The following APP variants were observed in gnomAD, a reference collection of about 807,000 sequenced individuals.
The protein encoded by APP is amyloid beta precursor protein.
In APP, 31 loss-of-function variants were observed where a neutral mutation model predicts 101.4. The observed-to-expected ratio is 0.31, with a 90% CI of 0.23 to 0.41. APP has a LOEUF of 0.41. Ranked by LOEUF, APP falls within the 10% of genes least tolerant of loss-of-function variation. The pLI is 1.00. For missense variants in APP, 839 were observed against 1,003.7 expected, an observed-to-expected ratio of 0.84 and a Z score of 2.22; for synonymous variants, 366 against 364.4, an observed-to-expected ratio of 1.00 and a Z score of -0.05.
At chr21:25,916,016 A>G (rs1022889372) in intron 13 of APP, among the ~76,000 whole-genome samples, 1 of 151,816 alleles carries the variant, frequency 6.6e-6, no homozygotes, top group African/African-American at 2.4e-5. Context: ...AGAAATCCAC[A>G]TTCCTATCTT....
At chr21:26,042,954 T>G (rs1328325712) in intron 5 of APP, among the ~76,000 whole-genome samples, 1 of 152,046 alleles carries the variant, frequency 6.6e-6, no homozygotes, top group Non-Finnish European at 1.5e-5. Context: ...CTGGAACATA[T>G]CAAATGCTCA....
chr21:26,017,553 A>G (rs1000692083), intron 6 of APP, among the ~76,000 whole-genome samples: 3 of 152,180 alleles, frequency 2.0e-5, no homozygotes, highest in African/African-American at 7.2e-5. Flanking sequence ...GATGCCTTCC[A>G]CAGTAGCAAA....
rs562638356 is a variant in APP at position 25,883,327 on chromosome 21, T to TG, written c.2212-1557dup. Among the ~76,000 whole-genome samples the TG allele has an allele frequency of 1.0e-3, 155 of 151,918 alleles. 1 individual carries two copies. Among genetic ancestry groups the TG allele is most frequent in the Middle Eastern group, 6.8e-3 (2 of 294 alleles). On this transcript the variant is annotated intron_variant, in intron 17 of 17. Coordinates refer to ENST00000346798, the MANE Select transcript of APP (RefSeq NM_000484.4). Reference sequence around the variant, plus strand: ...CGGAGGCAGGAGAATGGCTTGAACTTGGGGGGTGGAGTTTGCAGTGAGCCA... The same window carrying TG: ...CGGAGGCAGGAGAATGGCTTGAACTTGGGGGGGTGGAGTTTGCAGTGAGCCA...
intron 1 of APP, among the ~76,000 whole-genome samples, chr21:26,163,862 T>G (rs2063550291): frequency 6.6e-6 from 1 of 152,172 alleles, no homozygotes; most frequent in African/African-American, 2.4e-5. Context: ...CATATGCTGA[T>G]TTTTAAAAAA....
Position 26,132,926 on chromosome 21 carries a change from C to G in APP, c.58-20780G>C, listed in dbSNP as rs532451832. 4.6e-5 allele frequency among the ~76,000 whole-genome samples: 7 copies of G among 152,220 alleles called. No individual in the cohort carries two copies. The East Asian group carries it at 1.2e-3, about 25-fold the overall frequency. On this transcript the variant is annotated intron_variant, in intron 1 of 17. Coordinates refer to ENST00000346798, the MANE Select transcript of APP (RefSeq NM_000484.4). Reference sequence around the variant, plus strand: ...CCATTTATACTTCATTTCTGAAACTCAATGTCAAAGAGAAGATTAAAAATC... The same window carrying G: ...CCATTTATACTTCATTTCTGAAACTGAATGTCAAAGAGAAGATTAAAAATC...
rs200145088 is a variant in APP, at chr21:26,089,911, A to G, written c.355+32T>C. 132 of 1,613,402 alleles carry G rather than the reference A, an allele frequency of 8.2e-5. No individual in the cohort carries two copies. The South Asian group carries it at 1.1e-3, about 13-fold the overall frequency. ...TTCTTCCCTCAAGACCAGGCCCCCA[A>G]TCAACACCAGCCCCACGGCCGGCCG... On this transcript the variant is annotated intron_variant, in intron 3 of 17. Transcript: ENST00000346798.
chr21:25,971,313 TG>T (rs2042023907), intron 11 of APP, among the ~76,000 whole-genome samples: 1 of 152,252 alleles, frequency 6.6e-6, no homozygotes, highest in Admixed American at 6.5e-5. Flanking sequence ...CCCAAAGTGC[TG>T]GGATTACAGG....
intron 5 of APP, among the ~76,000 whole-genome samples, chr21:26,023,960 G>A (rs2146789517): frequency 6.6e-6 from 1 of 152,314 alleles, no homozygotes; most frequent in East Asian, 1.9e-4. Flanking sequence ...ACATTTACAT[G>A]CTGATGCATC....
intron 13 of APP, among the ~76,000 whole-genome samples, chr21:25,918,639 G>T (rs1569055092): frequency 6.6e-6 from 1 of 151,782 alleles, no homozygotes; most frequent in Non-Finnish European, 1.5e-5. Flanking sequence ...TGGAAAATCG[G>T]GTCACTCCCA....
At chr21:25,906,260 A>C (rs2146300562) in intron 14 of APP, among the ~76,000 whole-genome samples, 1 of 152,364 alleles carries the variant, frequency 6.6e-6, no homozygotes, top group East Asian at 1.9e-4. Context: ...ATTTGGATGA[A>C]ATAAAAATTT....
chr21:26,130,476 T>C (rs1393106148), intron 1 of APP, among the ~76,000 whole-genome samples: 1 of 152,256 alleles, frequency 6.6e-6, no homozygotes, highest in East Asian at 1.9e-4. Context: ...GGCTTGGCCA[T>C]GACAACTGTG....
At chr21:26,045,823 G>A (rs148814188) in intron 5 of APP, among the ~76,000 whole-genome samples, 65 of 152,234 alleles carry the variant, frequency 4.3e-4, no homozygotes, top group African/African-American at 1.5e-3. Flanking sequence ...AAGCCACCCC[G>A]AGCTGTATTA....
At chr21:26,050,164 T>C (rs1240203829) in intron 5 of APP, among the ~76,000 whole-genome samples, 1 of 152,080 alleles carries the variant, frequency 6.6e-6, no homozygotes, top group African/African-American at 2.4e-5. Flanking sequence ...AAAACAAGCA[T>C]CCTGTAGTTT....
chr21:26,002,514 C>T (rs2043344131), intron 6 of APP, among the ~76,000 whole-genome samples: 1 of 152,236 alleles, frequency 6.6e-6, no homozygotes, highest in South Asian at 2.1e-4. Flanking sequence ...ATATTCATGT[C>T]ACATGCTCTT....
At chr21:25,952,191 TACACACACACACAC>T (rs57270357) in intron 13 of APP, among the ~76,000 whole-genome samples, 1 of 139,994 alleles carries the variant, frequency 7.1e-6, no homozygotes, top group East Asian at 2.0e-4. Context: ...ATTACATACA[TACACACACACACAC>T]ACACACACAC....
intron 1 of APP, among the ~76,000 whole-genome samples, chr21:26,169,786 G>C (rs1331873559): frequency 1.3e-5 from 2 of 152,260 alleles, no homozygotes; most frequent in Non-Finnish European, 2.9e-5. Flanking sequence ...CTCTCAGACA[G>C]AGCTTAGGGT....
intron 3 of APP, among the ~76,000 whole-genome samples, chr21:26,057,766 C>G (rs1011826212): frequency 9.2e-5 from 14 of 152,174 alleles, no homozygotes; most frequent in African/African-American, 3.4e-4. Context: ...CTCCAGTTCT[C>G]CATCCAAGAG....
intron 11 of APP, among the ~76,000 whole-genome samples, chr21:25,964,601 CTTTTCT>C (rs1472095745): frequency 3.0e-5 from 4 of 132,430 alleles, no homozygotes; most frequent in Non-Finnish European, 3.3e-5. Context: ...GACCTTTTTT[CTTTTCT>C]TTTTTTTTTT....
intron 1 of APP, among the ~76,000 whole-genome samples, chr21:26,120,300 T>A (rs2146234366): frequency 6.6e-6 from 1 of 152,148 alleles, no homozygotes; most frequent in South Asian, 2.1e-4. Context: ...CAGCTGGGAG[T>A]ACAGGCCCAT....
Sources: allele counts gnomAD v4.1 joint callset (sites outside exome capture counted in the v4.1 genomes callset), GRCh38; gene constraint gnomAD v4.1.1; transcripts MANE v1.5; gene names NCBI Gene and HGNC (gene_info 2026-07-23, HGNC 2026-07-21).